Variants in DLG2 observed in about 807,000 individuals in gnomAD.
The protein encoded by DLG2 is disks large homolog 2.
DLG2 carries 45 observed loss-of-function variants against 132.5 expected under a neutral mutation model. The ratio of observed to expected loss-of-function variants is 0.34; its 90% confidence interval spans 0.27 to 0.44. The LOEUF (loss-of-function observed/expected upper bound fraction) is 0.44. DLG2 is among the 20% of genes least tolerant of loss of function. The pLI is 1.00. For missense variants in DLG2, 1,045 were observed against 1,196.9 expected (o/e 0.87, Z 1.87); for synonymous variants, 424 against 419.6 (o/e 1.01, Z -0.13).
At chr11:84,543,377 C>A (rs572502416) in intron 6 of DLG2, among the ~76,000 whole-genome samples, 2 of 152,282 alleles carry the variant, frequency 1.3e-5, no homozygotes, top group Middle Eastern at 3.4e-3. Context: ...AGTTCTCTCC[C>A]TGCCTCTGCA....
intron 3 of DLG2, among the ~76,000 whole-genome samples, chr11:85,583,039 A>C (rs2078660361): frequency 7.4e-6 from 1 of 134,606 alleles, no homozygotes. Flanking sequence ...CAAGAACTAG[A>C]AACCAGGGGA....
In DLG2 at chr11:85,428,950, C is replaced by T. The variant is rs145275341; in HGVS notation, c.41-143585G>A. Among the ~76,000 whole-genome samples the T allele has an allele frequency of 3.1e-3, 464 of 152,096 alleles. 1 individual carries two copies. Among genetic ancestry groups the T allele is most frequent in the African/African-American group, 0.011 (447 of 41,502 alleles). ...ATAAAAAATGATAAAGGGGATATCA[C>T]CACCGATCCCACAGAGATACAAACT... On this transcript the variant is annotated intron_variant, in intron 3 of 27. Transcript: ENST00000376104.
intron 6 of DLG2, among the ~76,000 whole-genome samples, chr11:84,746,409 C>A (rs986020752): frequency 6.7e-6 from 1 of 149,840 alleles, no homozygotes; most frequent in African/African-American, 2.5e-5. Context: ...TAACTCTGTT[C>A]TTGGTCTTTA....
At chr11:85,155,152 A>G (rs2077507426) in intron 4 of DLG2, among the ~76,000 whole-genome samples, 1 of 152,190 alleles carries the variant, frequency 6.6e-6, no homozygotes, top group South Asian at 2.1e-4. Context: ...TTGCTTACTG[A>G]CCATTATAAA....
intron 4 of DLG2, among the ~76,000 whole-genome samples, chr11:85,258,074 G>T (rs2076757984): frequency 6.6e-6 from 1 of 152,050 alleles, no homozygotes; most frequent in Non-Finnish European, 1.5e-5. Context: ...TTAGCTAAGG[G>T]GCTTCCTCTT....
chr11:83,944,839 C>G (rs747527977), intron 14 of DLG2, among the ~76,000 whole-genome samples: 16 of 152,192 alleles, frequency 1.1e-4, no homozygotes, highest in Non-Finnish European at 2.1e-4. Flanking sequence ...CAGAATAACT[C>G]CGTGCAGCAG....
At chr11:85,263,236 A>G (rs1232604661) in intron 4 of DLG2, among the ~76,000 whole-genome samples, 1 of 152,204 alleles carries the variant, frequency 6.6e-6, no homozygotes, top group Non-Finnish European at 1.5e-5. Context: ...ATCCAGGTAC[A>G]AGAGGAAAAG....
intron 6 of DLG2, among the ~76,000 whole-genome samples, chr11:84,977,524 C>G (rs1416889026): frequency 6.6e-5 from 10 of 152,098 alleles, no homozygotes; most frequent in Admixed American, 6.6e-4. Flanking sequence ...ACCCTTATGC[C>G]CTGACCCCTT....
chr11:84,383,792 T>C (rs1047874401), intron 7 of DLG2, among the ~76,000 whole-genome samples: 2 of 152,072 alleles, frequency 1.3e-5, no homozygotes, highest in Non-Finnish European at 2.9e-5. Flanking sequence ...TTCCAGCCAG[T>C]GAGACAATGA....
At chr11:83,972,925 T>G (rs1174531143) in intron 12 of DLG2, among the ~76,000 whole-genome samples, 1 of 152,130 alleles carries the variant, frequency 6.6e-6, no homozygotes, top group Non-Finnish European at 1.5e-5. Flanking sequence ...GATTCTATTC[T>G]TCCTTCATTA....
At chr11:84,404,119 G>A (rs2098840331) in intron 7 of DLG2, among the ~76,000 whole-genome samples, 1 of 151,948 alleles carries the variant, frequency 6.6e-6, no homozygotes, top group African/African-American at 2.4e-5. Flanking sequence ...CTGCTCTGAG[G>A]AAGAGCAAAA....
chr11:83,488,547 C>G (rs925215024), intron 21 of DLG2, among the ~76,000 whole-genome samples: 5 of 151,992 alleles, frequency 3.3e-5, no homozygotes, highest in African/African-American at 1.2e-4. Flanking sequence ...CATATTTTAT[C>G]TTTCTCATCC....
chr11:84,101,198 C>T (rs1042633322), intron 9 of DLG2, among the ~76,000 whole-genome samples: 1 of 152,044 alleles, frequency 6.6e-6, no homozygotes. Flanking sequence ...GTAGGAGAAC[C>T]AAACACAGTG....
chr11:85,509,736 C>T (rs76913739), intron 3 of DLG2, among the ~76,000 whole-genome samples: 3 of 151,820 alleles, frequency 2.0e-5, no homozygotes, highest in East Asian at 1.9e-4. Context: ...ACATAGTGAA[C>T]GAAAATACTG....
chr11:84,741,917 A>G (rs2064732811), intron 6 of DLG2, among the ~76,000 whole-genome samples: 1 of 152,172 alleles, frequency 6.6e-6, no homozygotes, highest in South Asian at 2.1e-4. Flanking sequence ...ACAATTCAAC[A>G]ATATCAGGAG....
intron 6 of DLG2, among the ~76,000 whole-genome samples, chr11:84,714,034 T>C (rs921066249): frequency 6.6e-6 from 1 of 152,060 alleles, no homozygotes; most frequent in East Asian, 1.9e-4. Flanking sequence ...GAAACCAAAA[T>C]AGTACTGGGA....
At chr11:85,593,801 G>GT (rs990487589) in intron 3 of DLG2, among the ~76,000 whole-genome samples, 17 of 151,594 alleles carry the variant, frequency 1.1e-4, no homozygotes, top group East Asian at 7.7e-4. Context: ...AATATGTAGG[G>GT]TTTTTTTTAC....
chr11:85,518,678 G>A lies in DLG2; in HGVS notation c.40+79979C>T, dbSNP rs143231831. Among the ~76,000 whole-genome samples the A allele has an allele frequency of 7.7e-3, 1,173 of 152,294 alleles. 16 individuals carry two copies. The highest frequency in any genetic ancestry group is 0.027 in the African/African-American group (1,141 of 41,560). ...AAATTTGCATAAGCAACAAGGAGCC[G>A]AATGTTAATCCCCAAGACAATGGGG... On this transcript the variant is annotated intron_variant, in intron 3 of 27. Transcript: ENST00000376104.
intron 19 of DLG2, among the ~76,000 whole-genome samples, chr11:83,606,633 TAA>T (rs10713800): frequency 1.3e-4 from 19 of 147,380 alleles, no homozygotes; most frequent in Admixed American, 1.3e-4. Context: ...TAGTGTTTGT[TAA>T]AAAAAAAAAA....
Sources: allele counts gnomAD v4.1 joint callset (sites outside exome capture counted in the v4.1 genomes callset), GRCh38; gene constraint gnomAD v4.1.1; transcripts MANE v1.5; gene names NCBI Gene and HGNC (gene_info 2026-07-23, HGNC 2026-07-21).